Variants in MEIKIN observed in about 807,000 individuals in gnomAD.
MEIKIN encodes the protein meiotic kinetochore factor, also known as meiosis-specific kinetochore protein.
chr5:131,873,033 A>T (rs552257028), intron 9 of MEIKIN, among the ~76,000 whole-genome samples: 3 of 152,340 alleles, frequency 2.0e-5, no homozygotes, highest in Admixed American at 2.0e-4. Flanking sequence ...GGTACCAGCC[A>T]CTGCAAAAAC....
chr5:131,833,493 T>A (rs559901201), intron 11 of MEIKIN, among the ~76,000 whole-genome samples: 1 of 152,362 alleles, frequency 6.6e-6, no homozygotes, highest in African/African-American at 2.4e-5. Flanking sequence ...TTCTGCCTGA[T>A]ACCCAGTTCC....
At chr5:131,814,776 A>G (rs1000284806) in intron 12 of MEIKIN, among the ~76,000 whole-genome samples, 4 of 152,168 alleles carry the variant, frequency 2.6e-5, no homozygotes, top group Non-Finnish European at 4.4e-5. Context: ...AAAGAGGCTA[A>G]CTGGTATCCT....
At chr5:131,824,654 A>G (rs1396904113) in intron 11 of MEIKIN, among the ~76,000 whole-genome samples, 8 of 152,198 alleles carry the variant, frequency 5.3e-5, no homozygotes, top group Non-Finnish European at 1.2e-4. Context: ...AGCAGAATAG[A>G]TAGATAAAGA....
intron 11 of MEIKIN, among the ~76,000 whole-genome samples, chr5:131,833,254 G>A (rs557981665): frequency 8.4e-4 from 128 of 152,268 alleles, no homozygotes; most frequent in South Asian, 4.8e-3. Context: ...CTCTAGGGTA[G>A]GGGCAAAATG....
intron 6 of MEIKIN, among the ~76,000 whole-genome samples, chr5:131,917,978 T>C (rs1365844833): frequency 1.3e-5 from 2 of 152,142 alleles, no homozygotes; most frequent in Non-Finnish European, 2.9e-5. Context: ...TATAACTCAA[T>C]GCTGTGAGAG....
At chr5:131,889,523 G>A (rs549397123) in intron 8 of MEIKIN, among the ~76,000 whole-genome samples, 71 of 152,208 alleles carry the variant, frequency 4.7e-4, no homozygotes, top group Admixed American at 1.0e-3. Flanking sequence ...CTCTGTTATT[G>A]GTGTATAAGA....
intron 9 of MEIKIN, among the ~76,000 whole-genome samples, chr5:131,858,128 G>A (rs1461108651): frequency 6.6e-6 from 1 of 152,214 alleles, no homozygotes; most frequent in African/African-American, 2.4e-5. Flanking sequence ...TGAGACCAGA[G>A]AACAAAGCTG....
intron 7 of MEIKIN, among the ~76,000 whole-genome samples, chr5:131,915,315 CA>C (rs1270335847): frequency 6.6e-6 from 1 of 152,110 alleles, no homozygotes; most frequent in African/African-American, 2.4e-5. Flanking sequence ...GTTTATGAGT[CA>C]ATGATTTTTT....
At chr5:131,924,152 T>G (rs1751552917) in intron 5 of MEIKIN, among the ~76,000 whole-genome samples, 1 of 152,136 alleles carries the variant, frequency 6.6e-6, no homozygotes, top group Admixed American at 6.5e-5. Context: ...TGTCACAAAT[T>G]GCAGGATTTC....
At chr5:131,840,878 GC>G (rs1188494110) in intron 11 of MEIKIN, among the ~76,000 whole-genome samples, 1 of 152,152 alleles carries the variant, frequency 6.6e-6, no homozygotes, top group Non-Finnish European at 1.5e-5. Context: ...CATTCAGAAT[GC>G]TTTGTGGAGA....
At chr5:131,818,178 GT>G (rs1361184188) in intron 12 of MEIKIN, among the ~76,000 whole-genome samples, 1 of 152,154 alleles carries the variant, frequency 6.6e-6, no homozygotes, top group Non-Finnish European at 1.5e-5. Context: ...TCTTAGCACA[GT>G]GCCTTTCACA....
chr5:131,828,446 G>T (rs572240152), intron 11 of MEIKIN, among the ~76,000 whole-genome samples: 4 of 152,100 alleles, frequency 2.6e-5, no homozygotes, highest in African/African-American at 9.7e-5. Context: ...TTACAGGCGT[G>T]AGCCACTGTG....
At chr5:131,888,661 G>T (rs1207273194) in intron 8 of MEIKIN, among the ~76,000 whole-genome samples, 1 of 152,220 alleles carries the variant, frequency 6.6e-6, no homozygotes, top group Admixed American at 6.5e-5. Context: ...TCTGTAGGTT[G>T]CCTGGTCACT....
chr5:131,906,343 A>G (rs1751241668), intron 8 of MEIKIN, among the ~76,000 whole-genome samples: 1 of 152,230 alleles, frequency 6.6e-6, no homozygotes, highest in African/African-American at 2.4e-5. Context: ...CAGAATGACT[A>G]TTATTAAAAA....
rs35117395 is a variant in MEIKIN, at chr5:131,860,754, CTTTTTT to C, written c.775-5926_775-5921del. On this transcript the variant is annotated intron_variant, in intron 9 of 12. Transcript: ENST00000442687. ...GAGCCACCATGCCCAGCCTGTTTGG[CTTTTTT>C]TTTTTTTTTTTTTTTTTTTGAGAGA... 5.3e-3 allele frequency among the ~76,000 whole-genome samples: 268 copies of C among 50,998 alleles called. 2 individuals carry two copies. Among genetic ancestry groups the C allele is most frequent in the African/African-American group, 0.022 (246 of 11,384 alleles). The allele number at this position is 50,998 out of a possible 152,430, so 33.5% of individuals were successfully genotyped here.
In MEIKIN at chr5:131,932,708, C is replaced by T. The variant is rs1047598862; in HGVS notation, c.478+805G>A. On this transcript the variant is annotated intron_variant, in intron 5 of 12. Transcript: ENST00000442687. Reference sequence around the variant, plus strand: ...TGCTATTAAAAGGACCTAGTATTCTCCAGTCTAGAGTCCCTGTTTCAAAAT... The same window carrying T: ...TGCTATTAAAAGGACCTAGTATTCTTCAGTCTAGAGTCCCTGTTTCAAAAT... Among the ~76,000 whole-genome samples, 11 of 152,260 alleles carry T rather than the reference C, an allele frequency of 7.2e-5. 1 individual carries two copies. In the South Asian group the frequency reaches 2.3e-3, roughly 32 times the overall value.
chr5:131,919,906 C>T (rs910994733), intron 6 of MEIKIN, among the ~76,000 whole-genome samples: 10 of 152,074 alleles, frequency 6.6e-5, no homozygotes, highest in African/African-American at 2.4e-4. Context: ...AATACATAAA[C>T]AAAACCAAAC....
intron 11 of MEIKIN, among the ~76,000 whole-genome samples, chr5:131,830,638 C>T (rs1019137674): frequency 6.6e-6 from 1 of 152,154 alleles, no homozygotes. Flanking sequence ...TTATAGTTTA[C>T]CATTTCCCTG....
At chr5:131,860,429 T>TTC (rs1442240472) in intron 9 of MEIKIN, among the ~76,000 whole-genome samples, 2 of 151,934 alleles carry the variant, frequency 1.3e-5, no homozygotes, top group Non-Finnish European at 2.9e-5. Flanking sequence ...TTTGGTTCAG[T>TTC]TCTAACAGTT....
Sources: allele counts gnomAD v4.1 joint callset (sites outside exome capture counted in the v4.1 genomes callset), GRCh38; gene constraint gnomAD v4.1.1; transcripts MANE v1.5; gene names NCBI Gene and HGNC (gene_info 2026-07-23, HGNC 2026-07-21).